The following VWDE variants were observed in gnomAD, a reference collection of about 807,000 sequenced individuals.
VWDE encodes the protein von Willebrand factor D and EGF domain-containing protein.
A neutral mutation model predicts 178.4 loss-of-function variants in VWDE; 207 were observed. The observed-to-expected ratio is 1.16, with a 90% CI of 1.04 to 1.30. The LOEUF (loss-of-function observed/expected upper bound fraction) is 1.30, where lower values mean the gene tolerates loss of function less well. VWDE is among the 50% of genes most tolerant of loss of function. The probability of loss-of-function intolerance (pLI) is 0.00; values close to 1 mark genes in which losing one functional copy is unlikely to be tolerated. For synonymous variants in VWDE, 738 were observed against 651.4 expected (o/e 1.13, Z -2.02); for missense variants, 2,287 against 1,901.3 (o/e 1.20, Z -3.77).
Position 12,343,154 on chromosome 7 carries a change from T to C in VWDE, c.4103A>G (p.His1368Arg). Residue 1368 changes from histidine (H) to arginine (R), a missense_variant, in exon 22 of 29, where the codon CAT becomes CGT. His to Arg is a conservative substitution (Grantham distance 29, BLOSUM62 0). Transcript: ENST00000275358. ...ATTCCCAGCCAAGCATGTGCCACCA[T>C]GTTGACAAGGTGGGTTACAATGTTC... ...DEEHCNPPCQ[H>R]GGTCLAGNLC... 6.5e-7 allele frequency: 1 copy of C among 1,549,698 alleles called. No individual in the cohort carries two copies. Among genetic ancestry groups the C allele is most frequent in the Admixed American group, 2.0e-5 (1 of 50,938 alleles).
chr7:12,346,190 G>T (rs907037196), intron 19 of VWDE, among the ~76,000 whole-genome samples: 1 of 152,038 alleles, frequency 6.6e-6, no homozygotes, highest in African/African-American at 2.4e-5. Context: ...TAGTATAAAA[G>T]TCAAAGTACA....
intron 1 of VWDE, among the ~76,000 whole-genome samples, chr7:12,396,138 A>G (rs914068903): frequency 9.8e-5 from 15 of 152,292 alleles, no homozygotes; most frequent in African/African-American, 3.4e-4. Flanking sequence ...TAATAGATCC[A>G]CAGTGATAGC....
chr7:12,367,218 A>C, intron 13 of VWDE, 139 bp downstream of exon 13: 1 of 579,412 alleles, frequency 1.7e-6, no homozygotes, highest in East Asian at 3.5e-5. Flanking sequence ...TATGTAACTT[A>C]ATCATTTTCC....
In VWDE at chr7:12,357,312, C is replaced by G. The variant is rs73678120; in HGVS notation, c.3478G>C (p.Val1160Leu). Residue 1160 changes from valine (V) to leucine (L), a missense_variant, in exon 17 of 29, where the codon GTA becomes CTA. Val to Leu is a conservative substitution (Grantham distance 32). Transcript: ENST00000275358. ...GCATCGCAGTCATCATTAAGGCGTA[C>G]AGTAATTTGTTGGGTAGTTAGTAAA... The part of the protein sequence containing the change: ...TDLLTTQQIT[V>L]RLNDDCDAET... The G allele has an allele frequency of 4.3e-3, 6,733 of 1,552,130 alleles. 225 individuals are homozygous for G. In the African/African-American group the frequency reaches 0.08, roughly 18 times the overall value.
At chr7:12,386,758 C>G (rs1784117691) in intron 3 of VWDE, among the ~76,000 whole-genome samples, 1 of 152,132 alleles carries the variant, frequency 6.6e-6, no homozygotes, top group African/African-American at 2.4e-5. Flanking sequence ...CTTCAGTATT[C>G]TCTTCTACAG....
At chr7:12,386,026 G>A (rs1161253409) in intron 3 of VWDE, among the ~76,000 whole-genome samples, 2 of 152,186 alleles carry the variant, frequency 1.3e-5, no homozygotes, top group East Asian at 3.9e-4. Context: ...TTGTGGTGAA[G>A]TGATTATTTG....
intron 3 of VWDE, among the ~76,000 whole-genome samples, chr7:12,386,685 T>A (rs1311373687): frequency 6.6e-6 from 1 of 152,240 alleles, no homozygotes; most frequent in Non-Finnish European, 1.5e-5. Flanking sequence ...GCTCTCAGCA[T>A]CAGTGCCCTT....
At chr7:12,392,455 G>A (rs2128562111) in intron 2 of VWDE, among the ~76,000 whole-genome samples, 1 of 152,232 alleles carries the variant, frequency 6.6e-6, no homozygotes, top group African/African-American at 2.4e-5. Flanking sequence ...ACTGGTCGAA[G>A]TATGATAAGT....
chr7:12,399,651 T>C (rs970398104), intron 1 of VWDE, among the ~76,000 whole-genome samples: 4 of 151,990 alleles, frequency 2.6e-5, no homozygotes, highest in Non-Finnish European at 2.9e-5. Flanking sequence ...TTCGCCAAAA[T>C]AGACAATCCG....
At chr7:12,399,448 C>A (rs189922419) in intron 1 of VWDE, among the ~76,000 whole-genome samples, 1 of 151,998 alleles carries the variant, frequency 6.6e-6, no homozygotes, top group Non-Finnish European at 1.5e-5. Flanking sequence ...GCAGCAGAAA[C>A]GCAGGGAAAA....
At chr7:12,339,419 T>A (rs1781207465) in intron 24 of VWDE, among the ~76,000 whole-genome samples, 1 of 152,158 alleles carries the variant, frequency 6.6e-6, no homozygotes, top group East Asian at 1.9e-4. Flanking sequence ...TTTCAAGATT[T>A]CCCTTAACTT....
At chr7:12,397,866 T>C (rs1784700910) in intron 1 of VWDE, among the ~76,000 whole-genome samples, 1 of 152,132 alleles carries the variant, frequency 6.6e-6, no homozygotes, top group African/African-American at 2.4e-5. Flanking sequence ...TGAGGTATCA[T>C]CTTACACCAG....
rs1385654611 is a variant in VWDE at position 12,333,481 on chromosome 7, CA to C, written c.4741del (p.Cys1581ValfsTer7). 1 of 1,545,922 alleles carries C rather than the reference CA, an allele frequency of 6.5e-7. No individual in the cohort carries two copies. The highest frequency in any genetic ancestry group is 1.2e-5 in the South Asian group (1 of 83,426). ...SCRTEYSGVK[C>X]EKKIQIRRH is the part of the protein sequence containing the mutation. ...CTGAAATACCTGTATTTTCTTCTCA[CA>C]TTTGACTCCAGAGTATTCAGTGCGG... On this transcript the variant is annotated frameshift_variant, in exon 28 of 29. Coordinates refer to ENST00000275358, the MANE Select transcript of VWDE (RefSeq NM_001135924.3). LOFTEE classifies it high-confidence loss of function.
chr7:12,331,118 CT>C lies in VWDE; in HGVS notation c.*64del. ...CAAATAAACTCCAAGTTATCTCCAA[CT>C]TTTTCTGAACAAAATATTTCCATTC... On this transcript the variant is annotated 3_prime_UTR_variant, in exon 29 of 29. Transcript: ENST00000275358. 2.8e-6 allele frequency: 4 copies of C among 1,419,044 alleles called. No individual in the cohort carries two copies. Among genetic ancestry groups the C allele is most frequent in the Non-Finnish European group, 3.8e-6 (4 of 1,050,520 alleles). The allele number at this position is 1,419,044 out of a possible 1,614,324, so 87.9% of individuals were successfully genotyped here. A position where few individuals can be genotyped will look rare whatever the true frequency, so the allele number is the denominator to read the frequency against.
chr7:12,369,983 G>A lies in VWDE; in HGVS notation c.2323C>T (p.Leu775Phe), dbSNP rs1488896624. ...TGGTCCTCTGGGAAAAAATAAGTAA[G>A]TTCTTCCAGATCCGTTTGGCTGAGA... ...PSLSQTDLEE[L>F]TYFFPEDHAE... The change falls in exon 12 of 29, where the codon CTT becomes TTT. Residue 775 changes from leucine to phenylalanine, a missense_variant. Leu to Phe is a conservative substitution (Grantham distance 22). Transcript: ENST00000275358. 2 of 1,551,434 alleles carry A rather than the reference G, an allele frequency of 1.3e-6. No homozygotes were observed. Among genetic ancestry groups the A allele is most frequent in the East Asian group, 4.9e-5 (2 of 40,892 alleles).
chr7:12,356,042 T>A, intron 18 of VWDE, 69 bp downstream of exon 18: 1 of 1,248,484 alleles, frequency 8.0e-7, no homozygotes, highest in East Asian at 2.6e-5. Flanking sequence ...CACATTTGCT[T>A]AAGTAATCTG....
Position 12,360,564 on chromosome 7 carries a change from TGAG to T in VWDE, c.3159+580_3159+582del, listed in dbSNP as rs1782522825. On this transcript the variant is annotated intron_variant, in intron 15 of 28. Coordinates refer to ENST00000275358, the MANE Select transcript of VWDE (RefSeq NM_001135924.3). ...ATATTATTTGTATGCACCTCAGCTT[TGAG>T]GAGTCAAGTGTCTCTTAAGTCAGCA... Among the ~76,000 whole-genome samples, 4 of 152,260 alleles carry T rather than the reference TGAG, an allele frequency of 2.6e-5. No individual in the cohort carries two copies. The South Asian group carries it at 8.3e-4, about 32-fold the overall frequency.
rs563784982 is a variant in VWDE, at chr7:12,338,961, A to G, written c.4366+1361T>C. On this transcript the variant is annotated intron_variant, in intron 24 of 28. Transcript: ENST00000275358. ...CACCTAATTTTATTCAATCACTTTC[A>G]ATGTGTGTGCCATCTTCCCTTCCCA... Among the ~76,000 whole-genome samples, 4 of 152,228 alleles carry G rather than the reference A, an allele frequency of 2.6e-5. No homozygotes were observed. In the South Asian group the frequency reaches 8.3e-4, roughly 32 times the overall value.
intron 12 of VWDE, among the ~76,000 whole-genome samples, chr7:12,368,942 T>C (rs962689506): frequency 1.3e-5 from 2 of 152,076 alleles, no homozygotes; most frequent in African/African-American, 4.8e-5. Context: ...GAAAAGGCTG[T>C]AGGTGGAAAA....
Sources: allele counts gnomAD v4.1 joint callset (sites outside exome capture counted in the v4.1 genomes callset), GRCh38; gene constraint gnomAD v4.1.1; transcripts MANE v1.5; gene names NCBI Gene and HGNC (gene_info 2026-07-23, HGNC 2026-07-21).